ZFHX3: variants seen among roughly 807,000 people sequenced by gnomAD.
ZFHX3 encodes zinc finger homeobox 3, also known as zinc finger homeobox protein 3.
In ZFHX3, 42 loss-of-function variants were observed where a neutral mutation model predicts 279.1. The observed-to-expected ratio is 0.15, with a 90% confidence interval of 0.12 to 0.19. The LOEUF (loss-of-function observed/expected upper bound fraction) is 0.19. Among genes scored for constraint, ZFHX3 ranks in the 10% least tolerant of loss-of-function variants. ZFHX3 has a pLI of 1.00. For synonymous variants in ZFHX3, 2,293 were observed against 1,957.8 expected (o/e 1.17, Z -4.52); for missense variants, 4,981 against 4,754.0 (o/e 1.05, Z -1.40).
At chr16:73,465,999 A>C (rs1031313683) in intron 2 of ZFHX3, among the ~76,000 whole-genome samples, 2 of 151,576 alleles carry the variant, frequency 1.3e-5, no homozygotes, top group Non-Finnish European at 2.9e-5. Context: ...AGCTCTTCAC[A>C]AAGAAAATGT....
chr16:73,526,124 G>A (rs755684635), intron 2 of ZFHX3, among the ~76,000 whole-genome samples: 1 of 152,220 alleles, frequency 6.6e-6, no homozygotes, highest in Non-Finnish European at 1.5e-5. Flanking sequence ...AATGATTGCC[G>A]CACAATGGCC....
chr16:73,251,381 C>T (rs1414225699), intron 5 of ZFHX3, among the ~76,000 whole-genome samples: 1 of 152,162 alleles, frequency 6.6e-6, no homozygotes, highest in Non-Finnish European at 1.5e-5. Flanking sequence ...GAGCACGGAG[C>T]ACTGTTAGGG....
At chr16:72,919,058 T>C (rs2039517755) in intron 3 of ZFHX3, among the ~76,000 whole-genome samples, 1 of 151,982 alleles carries the variant, frequency 6.6e-6, no homozygotes, top group South Asian at 2.1e-4. Flanking sequence ...TAAATGCGGG[T>C]AGATGTGCCT....
rs573861219 is a variant in ZFHX3, at chr16:73,219,130, T to C, written c.-1104+37917A>G. On this transcript the variant is annotated intron_variant, in intron 5 of 17. Coordinates refer to the ZFHX3 transcript ENST00000641206. ...TTGAAGCATGTATCAGAACTTCATA[T>C]TTTAAATAGCTGAATAATATTCCAC... is the stretch of plus-strand genomic sequence containing the variant. 3.3e-5 allele frequency among the ~76,000 whole-genome samples: 5 copies of C among 152,356 alleles called. No individual in the cohort carries two copies. The East Asian group carries it at 5.8e-4, about 18-fold the overall frequency.
At chr16:73,344,696 C>CAG (rs138767081) in intron 3 of ZFHX3, among the ~76,000 whole-genome samples, 35 of 149,756 alleles carry the variant, frequency 2.3e-4, no homozygotes, top group South Asian at 6.3e-4. Context: ...CAGAGAGAGA[C>CAG]AGAGAGAGAG....
chr16:73,357,876 T>C (rs2016370841), intron 3 of ZFHX3, among the ~76,000 whole-genome samples: 1 of 152,178 alleles, frequency 6.6e-6, no homozygotes, highest in African/African-American at 2.4e-5. Flanking sequence ...GCCCACCCAC[T>C]GCTGTCTAAT....
intron 1 of ZFHX3, among the ~76,000 whole-genome samples, chr16:73,774,240 G>T (rs892704952): frequency 2.0e-5 from 3 of 152,130 alleles, no homozygotes; most frequent in African/African-American, 4.8e-5. Context: ...AATGGGTAAG[G>T]GTGGACATTG....
intron 4 of ZFHX3, chr16:73,293,999 A>C (rs1165848966): frequency 3.3e-5 from 5 of 151,158 alleles, no homozygotes; most frequent in Admixed American, 6.6e-5. Flanking sequence ...AAAAAAAAAA[A>C]AAAAAAAAAA....
chr16:73,327,827 T>C (rs1355298096), intron 3 of ZFHX3, among the ~76,000 whole-genome samples: 1 of 152,222 alleles, frequency 6.6e-6, no homozygotes, highest in African/African-American at 2.4e-5. Context: ...GACAGTTTTG[T>C]TTCTGTCATT....
chr16:73,544,930 G>GAT (rs2020083839), intron 2 of ZFHX3, among the ~76,000 whole-genome samples: 1 of 152,176 alleles, frequency 6.6e-6, no homozygotes, highest in African/African-American at 2.4e-5. Context: ...CCAAGTCAAT[G>GAT]GGGGAGGACG....
At chr16:72,936,851 TA>T (rs953282064) in intron 3 of ZFHX3, among the ~76,000 whole-genome samples, 2 of 151,740 alleles carry the variant, frequency 1.3e-5, no homozygotes, top group Non-Finnish European at 2.9e-5. Flanking sequence ...GAGGGGATTG[TA>T]AAGGGCAAGA....
chr16:73,485,205 G>A (rs1438767130), intron 2 of ZFHX3, among the ~76,000 whole-genome samples: 1 of 152,290 alleles, frequency 6.6e-6, no homozygotes, highest in Non-Finnish European at 1.5e-5. Context: ...CACAATGTCA[G>A]TGCAGGTGGG....
At chr16:73,590,315 C>A (rs1475675054) in intron 2 of ZFHX3, among the ~76,000 whole-genome samples, 1 of 152,200 alleles carries the variant, frequency 6.6e-6, no homozygotes, top group East Asian at 1.9e-4. Context: ...TTCTTTCCAA[C>A]CAACAGGAAC....
chr16:72,861,071 C>G (rs946932773), intron 4 of ZFHX3, among the ~76,000 whole-genome samples: 4 of 152,174 alleles, frequency 2.6e-5, no homozygotes, highest in African/African-American at 9.7e-5. Flanking sequence ...TTCCCTCTCC[C>G]ATGCAAATGA....
intron 4 of ZFHX3, among the ~76,000 whole-genome samples, chr16:73,268,013 T>C (rs940682698): frequency 1.3e-5 from 2 of 152,208 alleles, no homozygotes; most frequent in African/African-American, 4.8e-5. Flanking sequence ...TCGTTATACT[T>C]GGAAGATTTC....
chr16:73,042,716 T>C (rs563776809), intron 1 of ZFHX3, among the ~76,000 whole-genome samples: 14 of 152,032 alleles, frequency 9.2e-5, no homozygotes, highest in Non-Finnish European at 1.3e-4. Flanking sequence ...CAAGATAACT[T>C]TTGGGACAGT....
At chr16:73,024,096 T>C (rs1264318631) in intron 1 of ZFHX3, among the ~76,000 whole-genome samples, 3 of 152,170 alleles carry the variant, frequency 2.0e-5, no homozygotes, top group South Asian at 4.1e-4. Context: ...ACTTGCTCCA[T>C]AGTCTGCATC....
chr16:73,813,229 T>TTC (rs3082305), intron 1 of ZFHX3, among the ~76,000 whole-genome samples: 2,133 of 147,682 alleles, frequency 0.014, 28 homozygotes, highest in Non-Finnish European at 0.016. Context: ...CTCTTTCTCT[T>TTC]TCTCTCTCTC....
intron 2 of ZFHX3, among the ~76,000 whole-genome samples, chr16:73,608,470 A>AT (rs2052213342): frequency 6.6e-6 from 1 of 152,240 alleles, no homozygotes; most frequent in East Asian, 1.9e-4. Context: ...AGGTAAAATG[A>AT]CTTATTGGCT....
Sources: gnomAD v4.1 joint callset for allele counts (sites outside exome capture counted in the v4.1 genomes callset) on GRCh38, gnomAD v4.1.1 for gene constraint, MANE v1.5 for transcripts, NCBI Gene and HGNC (gene_info 2026-07-23, HGNC 2026-07-21) for gene names.